IPO13: variants seen among roughly 807,000 people sequenced by gnomAD.
The protein encoded by IPO13 is importin 13.
IPO13 carries 28 observed loss-of-function variants against 115.5 expected under a neutral mutation model. The observed-to-expected ratio is 0.24, with a 90% CI of 0.18 to 0.33. IPO13 has a LOEUF of 0.33. Among genes scored for constraint, IPO13 ranks in the 10% least tolerant of loss-of-function variants. The probability of loss-of-function intolerance (pLI) is 1.00; values close to 1 mark genes in which losing one functional copy is unlikely to be tolerated. For synonymous variants in IPO13, 414 were observed against 478.9 expected, an observed-to-expected ratio of 0.86 and a Z score of 1.77; for missense variants, 785 against 1,204.6, an observed-to-expected ratio of 0.65 and a Z score of 5.16.
intron 2 of IPO13, 50 bp downstream of exon 2, chr1:43,950,203 C>T: frequency 6.5e-7 from 1 of 1,531,058 alleles, no homozygotes. Flanking sequence ...GCCAGCCACA[C>T]ATCCATCCAT....
At chr1:43,957,343 C>T (rs2085258112) in intron 6 of IPO13, 28 bp downstream of exon 6, 2 of 1,613,414 alleles carry the variant, frequency 1.2e-6, no homozygotes, top group Non-Finnish European at 1.7e-6. Context: ...TTCCCTCAGC[C>T]TTCCCAGACC....
rs780633548 is a variant in IPO13 at position 43,958,626 on chromosome 1, A to C, written c.1884+31A>C. ...TGAGCTCTGGGGGCCAGGGAGCGGT[A>C]CTGAGATGCTGTGGCTGATGAGGGG... is the stretch of plus-strand genomic sequence containing the variant. On this transcript the variant is annotated intron_variant, in intron 10 of 19. Coordinates refer to ENST00000372343, the MANE Select transcript of IPO13 (RefSeq NM_014652.4). The surrounding 1 kb of genome is among the most constrained non-coding windows in gnomAD (Gnocchi z 6.3). 6 of 1,613,654 alleles carry C rather than the reference A, an allele frequency of 3.7e-6. No homozygotes were observed. In the East Asian group the frequency reaches 1.3e-4, roughly 36 times the overall value.
chr1:43,962,024 C>G (rs572036385), intron 14 of IPO13, among the ~76,000 whole-genome samples: 13 of 152,116 alleles, frequency 8.5e-5, no homozygotes, highest in Admixed American at 8.5e-4. Flanking sequence ...CTCAGCTAGC[C>G]TCATGAGCCT....
intron 7 of IPO13, 115 bp from the exon 8 acceptor site, chr1:43,957,862 A>G: frequency 1.0e-6 from 1 of 977,574 alleles, no homozygotes. Context: ...ATGGGGCAGT[A>G]CTCTGTGCTG....
rs2085172721 is a variant in IPO13 at position 43,947,178 on chromosome 1, A to G, written c.-423A>G. The G allele has an allele frequency of 1.3e-5, 5 of 398,746 alleles. No individual in the cohort carries two copies. Among genetic ancestry groups the G allele is most frequent in the South Asian group, 2.5e-4 (2 of 7,916 alleles). The allele number at this position is 398,746 out of a possible 1,614,324, so 24.7% of individuals were successfully genotyped here. ...GACCCTCCAGCCCCATGACCTGTTC[A>G]TAGCAGCCGAGAGCTCACCCAGGCG... On this transcript the variant is annotated 5_prime_UTR_variant, in exon 1 of 20. Transcript: ENST00000372343.
intron 14 of IPO13, among the ~76,000 whole-genome samples, chr1:43,963,328 A>G (rs2085301980): frequency 6.6e-6 from 1 of 152,202 alleles, no homozygotes; most frequent in South Asian, 2.1e-4. Context: ...TGGAGGCAGC[A>G]GTGTCCAACA....
rs2906596 is a variant in IPO13 at position 43,961,276 on chromosome 1, G to A, written c.2344+14G>A. On this transcript the variant is annotated intron_variant, in intron 14 of 19. Transcript: ENST00000372343. ...TCTTCCAGCAAGGTAGGTCCTGACC[G>A]GGGTCTCTGCTGCTGCTGCCACTGC... 1,457,790 of 1,603,624 alleles carry A rather than the reference G, an allele frequency of 0.91. 665,196 individuals are homozygous for A. Among genetic ancestry groups the A allele is most frequent in the Non-Finnish European group, 0.93 (1,090,352 of 1,170,732 alleles).
chr1:43,964,432 G>A (rs1475778124), intron 15 of IPO13, 111 bp downstream of exon 15: 25 of 850,390 alleles, frequency 2.9e-5, no homozygotes, highest in Admixed American at 4.6e-5. Flanking sequence ...TTTTTTTTCT[G>A]TTCAGTTGAA....
chr1:43,967,353 C>T lies in IPO13; in HGVS notation c.2652C>T (p.Cys884=), dbSNP rs780875136. The T allele has an allele frequency of 1.2e-6, 2 of 1,614,158 alleles. No homozygotes were observed. The highest frequency in any genetic ancestry group is 4.5e-5 in the East Asian group (2 of 44,880). ...AGGCCTCCCGCAGCCTCATGGACTGCTTTGCCGATATCCTGTTCGCCCTGA... is the reference window on the plus strand; with the variant it reads ...AGGCCTCCCGCAGCCTCATGGACTGTTTTGCCGATATCCTGTTCGCCCTGA... ...GGQASRSLMD[C]FADILFALNK... is the part of the protein sequence containing the mutation. The change falls in exon 19 of 20, where the codon TGC becomes TGT. Residue 884 remains cysteine, a synonymous_variant. Transcript: ENST00000372343. This position sits in a 1 kb window ranked among gnomAD's most constrained non-coding sequence, Gnocchi z 6.1.
intron 2 of IPO13, among the ~76,000 whole-genome samples, chr1:43,950,702 C>T (rs944996535): frequency 7.9e-5 from 12 of 152,224 alleles, no homozygotes; most frequent in African/African-American, 2.9e-4. Flanking sequence ...TCATGCTACT[C>T]TCCTTGCTCT....
Position 43,947,473 on chromosome 1 carries a change from GC to G in IPO13, c.-125del. The G allele has an allele frequency of 2.1e-6, 1 of 479,044 alleles. No homozygotes were observed. The allele number at this position is 479,044 out of a possible 1,614,324, so 29.7% of individuals were successfully genotyped here. On this transcript the variant is annotated 5_prime_UTR_variant, in exon 1 of 20. The change abolishes the stop of an existing upstream ORF in the 5' untranslated region. Coordinates refer to ENST00000372343, the MANE Select transcript of IPO13 (RefSeq NM_014652.4). The stretch of plus-strand genomic sequence containing the variant: ...TGGGGAGGCCTCGGCAGCCATGCCC[GC>G]CCTGGGCCCCCCCTCACCCCACCAC...
chr1:43,956,826 T>G lies in IPO13; in HGVS notation c.1121T>G (p.Phe374Cys). Residue 374 changes from phenylalanine (F) to cysteine (C), a missense_variant, in exon 5 of 20, where the codon TTT becomes TGT. Phe to Cys is a radical substitution (Grantham distance 205). Coordinates refer to ENST00000372343, the MANE Select transcript of IPO13 (RefSeq NM_014652.4). The surrounding 1 kb of genome is among the most constrained non-coding windows in gnomAD (Gnocchi z 4.7). ...CTCTCTCAGGATGATATTCTATCCT[T>G]TGAGGCAGAGAAGCAGGCTGTATAC... is the stretch of plus-strand genomic sequence containing the variant. ...WYTLQDDILS[F>C]EAEKQAVYQQ... 1.2e-6 allele frequency: 2 copies of G among 1,614,196 alleles called. No individual in the cohort carries two copies. Among genetic ancestry groups the G allele is most frequent in the Non-Finnish European group, 1.7e-6 (2 of 1,180,022 alleles).
At position 43,967,758 on chromosome 1, in the gene IPO13, T is replaced by A; in HGVS notation, c.*76T>A. On this transcript the variant is annotated 3_prime_UTR_variant, in exon 20 of 20. Coordinates refer to ENST00000372343, the MANE Select transcript of IPO13 (RefSeq NM_014652.4). The surrounding 1 kb of genome is among the most constrained non-coding windows in gnomAD (Gnocchi z 6.1). ...AAGAGTAAACCTGGACCCTCACTGC[T>A]GTCTCTGCCTCCTTTCTGCTGTCAC... 7.5e-7 allele frequency: 1 copy of A among 1,332,034 alleles called. No individual in the cohort carries two copies. Among genetic ancestry groups the A allele is most frequent in the Non-Finnish European group, 1.1e-6 (1 of 937,164 alleles). The allele number at this position is 1,332,034 out of a possible 1,614,324, so 82.5% of individuals were successfully genotyped here. A position where few individuals can be genotyped will look rare whatever the true frequency, so the allele number is the denominator to read the frequency against.
chr1:43,964,399 A>G, intron 15 of IPO13, 78 bp downstream of exon 15: 1 of 1,240,414 alleles, frequency 8.1e-7, no homozygotes, highest in South Asian at 1.3e-5. Context: ...ATTTAAGCCT[A>G]TTTTTAGCTT....
rs147777752 is a variant in IPO13, at chr1:43,967,060, C to T, written c.2613+41C>T. On this transcript the variant is annotated intron_variant, in intron 18 of 19. Coordinates refer to ENST00000372343, the MANE Select transcript of IPO13 (RefSeq NM_014652.4). The surrounding 1 kb of genome is among the most constrained non-coding windows in gnomAD (Gnocchi z 6.1). ...GGGGGGTTTGATGGGGGTGAGGGCC[C>T]CTCACTGCTGAGGCAGCTGGCCTTC... 407 of 1,572,240 alleles carry T rather than the reference C, an allele frequency of 2.6e-4. 3 individuals carry two copies. In the East Asian group the frequency reaches 7.4e-3, roughly 29 times the overall value.
rs758616316 is a variant in IPO13, at chr1:43,967,421, C to A, written c.2720C>A (p.Ala907Asp). Residue 907 changes from alanine (A) to aspartate (D), a missense_variant, in exon 19 of 20, where the codon GCC becomes GAC. Transcript: ENST00000372343. This position sits in a 1 kb window ranked among gnomAD's most constrained non-coding sequence, Gnocchi z 6.1. ...CTCCTGAGCATGTGGATCAAGGAGG[C>A]CCTGCAGCCACCTGGTTTCCCCTCT... ...FSLLSMWIKE[A>D]LQPPGFPSAR... 1.2e-6 allele frequency: 2 copies of A among 1,614,056 alleles called. No homozygotes were observed. The highest frequency in any genetic ancestry group is 1.3e-5 in the African/African-American group (1 of 74,940).
At position 43,966,537 on chromosome 1, in the gene IPO13, C is replaced by G. The variant is rs1209182764; in HGVS notation, c.2398-38C>G. The stretch of plus-strand genomic sequence containing the variant: ...TGAGTGGGGGGGATGGTCCTTGGAG[C>G]TGGCTGGGGCTGGGCTTACCAGCTC... On this transcript the variant is annotated intron_variant, in intron 15 of 19. Transcript: ENST00000372343. This position sits in a 1 kb window ranked among gnomAD's most constrained non-coding sequence, Gnocchi z 4.1. 4 of 1,607,694 alleles carry G rather than the reference C, an allele frequency of 2.5e-6. 1 individual carries two copies. The highest frequency in any genetic ancestry group is 3.3e-5 in the Admixed American group (2 of 59,954).
chr1:43,947,645 A>G lies in IPO13; in HGVS notation c.45A>G (p.Ala15=). Residue 15 remains alanine, a synonymous_variant, in exon 1 of 20, where the codon GCA becomes GCG. Transcript: ENST00000372343. ...AGCCGGGGGCTGCAGGGGCTGGAGC[A>G]GCACCAGCCTTGGACTTCACTGTGG... ...EEQPGAAGAG[A]APALDFTVEN... The G allele has an allele frequency of 7.5e-7, 1 of 1,334,564 alleles. No homozygotes were observed. Among genetic ancestry groups the G allele is most frequent in the Non-Finnish European group, 9.7e-7 (1 of 1,034,584 alleles). The allele number at this position is 1,334,564 out of a possible 1,614,324, so 82.7% of individuals were successfully genotyped here.
In IPO13 at chr1:43,957,254, G is replaced by T; in HGVS notation, c.1331G>T (p.Ser444Ile). 1 of 1,614,094 alleles carries T rather than the reference G, an allele frequency of 6.2e-7. No individual in the cohort carries two copies. Among genetic ancestry groups the T allele is most frequent in the Non-Finnish European group, 8.5e-7 (1 of 1,180,022 alleles). ...VYEMLGAELL[S>I]NLYDKLGRLL... Reference sequence around the variant, plus strand: ...GAGATGTTGGGGGCCGAGCTGCTCAGCAACCTCTATGACAAGCTGGGTCGT... The same window carrying T: ...GAGATGTTGGGGGCCGAGCTGCTCATCAACCTCTATGACAAGCTGGGTCGT... Residue 444 changes from serine (S) to isoleucine (I), a missense_variant, in exon 6 of 20, where the codon AGC becomes ATC. Ser to Ile is a moderately radical substitution (Grantham distance 142). Coordinates refer to ENST00000372343, the MANE Select transcript of IPO13 (RefSeq NM_014652.4).
Sources: gnomAD v4.1 joint callset for allele counts (sites outside exome capture counted in the v4.1 genomes callset) on GRCh38, gnomAD v4.1.1 for gene constraint, Gnocchi (gnomAD v3.1) non-coding constraint, MANE v1.5 for transcripts, NCBI Gene and HGNC (gene_info 2026-07-23, HGNC 2026-07-21) for gene names.